The following MUC5B variants were observed in gnomAD, a reference collection of about 807,000 sequenced individuals.
MUC5B encodes the protein mucin 5B, oligomeric mucus/gel-forming.
A neutral mutation model predicts 376.9 loss-of-function variants in MUC5B; 116 were observed. The observed-to-expected ratio is 0.31, with a 90% CI of 0.26 to 0.36. The LOEUF (loss-of-function observed/expected upper bound fraction) is 0.36. Among genes scored for constraint, MUC5B ranks in the 10% least tolerant of loss-of-function variants. The probability of loss-of-function intolerance (pLI) is 1.00; values close to 1 mark genes in which losing one functional copy is unlikely to be tolerated. For synonymous variants in MUC5B, 3,517 were observed against 3,390.9 expected (o/e 1.04, Z -1.29); for missense variants, 7,165 against 7,769.9 (o/e 0.92, Z 2.93).
chr11:1,230,910 G>A, intron 12 of MUC5B, 26 bp from the exon 13 acceptor site: 2 of 1,566,902 alleles, frequency 1.3e-6, no homozygotes, highest in Non-Finnish European at 1.7e-6. Context: ...CCCCAGAGCT[G>A]ACCTCCCGCC....
intron 18 of MUC5B, 128 bp downstream of exon 18, chr11:1,233,396 C>A: frequency 9.2e-7 from 1 of 1,083,928 alleles, no homozygotes; most frequent in South Asian, 1.7e-5. Flanking sequence ...GAGAGTGGGG[C>A]AGGGTGGACC....
Position 1,232,177 on chromosome 11 carries a change from C to G in MUC5B, c.1843+17C>G. The stretch of plus-strand genomic sequence containing the variant: ...TGGAGAATGGTACTCCTCGCCCCCA[C>G]CCCCACAGTCACCCCAGGCTCAAGT... On this transcript the variant is annotated intron_variant, in intron 15 of 48. Transcript: ENST00000529681. 1 of 1,569,716 alleles carries G rather than the reference C, an allele frequency of 6.4e-7. No individual in the cohort carries two copies.
chr11:1,223,752 G>A (rs375526322), intron 1 of MUC5B, among the ~76,000 whole-genome samples: 1 of 152,246 alleles, frequency 6.6e-6, no homozygotes, highest in Admixed American at 6.5e-5. Flanking sequence ...CATGCCGCAC[G>A]GGCTGCCTGG....
chr11:1,241,661 G>A lies in MUC5B; in HGVS notation c.4781G>A (p.Arg1594Gln), dbSNP rs1236648751. ...VFKMCYNYRI[R>Q]VLCCSDDHCR... ...AAGATGTGCTACAACTACAGGATCC[G>A]GGTCCTCTGCTGCAGTGACGACCAC... The change falls in exon 31 of 49, where the codon CGG becomes CAG. Residue 1594 changes from arginine (R) to glutamine (Q), a missense_variant. Arg to Gln is a conservative substitution (Grantham distance 43). Transcript: ENST00000529681. The A allele has an allele frequency of 1.2e-5, 20 of 1,612,258 alleles. No individual in the cohort carries two copies. The highest frequency in any genetic ancestry group is 5.5e-5 in the South Asian group (5 of 91,002).
chr11:1,248,680 C>A lies in MUC5B; in HGVS notation c.11800C>A (p.Pro3934Thr). The A allele has an allele frequency of 6.3e-7, 1 of 1,591,334 alleles. No individual in the cohort carries two copies. Among genetic ancestry groups the A allele is most frequent in the Non-Finnish European group, 8.6e-7 (1 of 1,169,532 alleles). The change falls in exon 31 of 49, where the codon CCC (proline) becomes ACC (threonine). Residue 3934 changes from proline to threonine, a missense_variant. By Grantham distance (38) the Pro-to-Thr change is conservative. Transcript: ENST00000529681. ...TTVATGSMAT[P>T]SSSTQTSGTP... ...TGTGGCCACTGGTTCTATGGCAACA[C>A]CCTCCTCTAGCACACAGACCAGTGG...
At position 1,252,467 on chromosome 11, in the gene MUC5B, C is replaced by T. The variant is rs757618674; in HGVS notation, c.14988C>T (p.Ala4996=). ...CPTSPPPVSS[A]PLSSPSPAPG... is the part of the protein sequence containing the mutation. ...CCTCCCCACCGCCAGTGTCCTCCGCCCCGCTGTCCTCGCCCTCCCCTGCCC... is the reference window on the plus strand; with the variant it reads ...CCTCCCCACCGCCAGTGTCCTCCGCTCCGCTGTCCTCGCCCTCCCCTGCCC... Residue 4996 remains alanine, a synonymous_variant, in exon 32 of 49, where the codon GCC becomes GCT. Coordinates refer to ENST00000529681, the MANE Select transcript of MUC5B (RefSeq NM_002458.3). 5 of 1,603,794 alleles carry T rather than the reference C, an allele frequency of 3.1e-6. No individual in the cohort carries two copies. The South Asian group carries it at 5.6e-5, about 18-fold the overall frequency.
Position 1,234,380 on chromosome 11 carries a change from G to C in MUC5B, c.2478+75G>C. The C allele has an allele frequency of 6.6e-7, 1 of 1,509,636 alleles. No homozygotes were observed. Among genetic ancestry groups the C allele is most frequent in the Non-Finnish European group, 9.0e-7 (1 of 1,112,434 alleles). 93.5% of individuals were successfully genotyped at this position (1,509,636 alleles called of 1,614,324 possible). A position where few individuals can be genotyped will look rare whatever the true frequency, so the allele number is the denominator to read the frequency against. ...TCCCAGCTCCCGAGCCCAGGGATCT[G>C]GTGGTCCTGGAGACACTTACCCACC... On this transcript the variant is annotated intron_variant, in intron 20 of 48. Transcript: ENST00000529681. This position sits in a 1 kb window ranked among gnomAD's most constrained non-coding sequence, Gnocchi z 6.3.
In MUC5B at chr11:1,232,626, T is replaced by C. The variant is rs1318321; in HGVS notation, c.1939-18T>C. ...CAGGCTGGGGTCCCTGACGCCCCGA[T>C]GCCTCCCACCTCCGCAGAACTGCAT... On this transcript the variant is annotated intron_variant, in intron 16 of 48. Transcript: ENST00000529681. 0.51 allele frequency: 822,563 copies of C among 1,598,144 alleles called. 213,148 individuals are homozygous for C. Among genetic ancestry groups the C allele is most frequent in the East Asian group, 0.7 (30,577 of 43,878 alleles).
In MUC5B at chr11:1,242,667, C is replaced by G; in HGVS notation, c.5787C>G (p.Thr1929=). The G allele has an allele frequency of 6.2e-7, 1 of 1,613,756 alleles. No homozygotes were observed. Among genetic ancestry groups the G allele is most frequent in the Non-Finnish European group, 8.5e-7 (1 of 1,179,772 alleles). ...GATCCACGGCCACCCCGACCTCCAC[C>G]CTGAGAACAGCTCCCCCTCCCAAAG... ...STGSTATPTS[T]LRTAPPPKVL... The change falls in exon 31 of 49, where the codon ACC becomes ACG. Residue 1929 remains threonine, a synonymous_variant. Transcript: ENST00000529681.
At chr11:1,252,295 A>T in intron 31 of MUC5B, 48 bp from the exon 32 acceptor site, 6 of 1,499,418 alleles carry the variant, frequency 4.0e-6, no homozygotes, top group Non-Finnish European at 5.4e-6. Context: ...ACTCTGGCTT[A>T]CCCATCTCTG....
At position 1,241,494 on chromosome 11, in the gene MUC5B, G is replaced by A. The variant is rs771291982; in HGVS notation, c.4614G>A (p.Gly1538=). ...ESYDKIRAAG[G]HLCQQPKDIE... is the part of the protein sequence containing the mutation. ...ACGATAAGATCAGGGCCGCTGGAGG[G>A]CACTTATGCCAGCAGCCTAAGGACA... The change falls in exon 31 of 49, where the codon GGG becomes GGA. Residue 1538 remains glycine (G), a synonymous_variant. Transcript: ENST00000529681. The A allele has an allele frequency of 1.3e-5, 21 of 1,613,628 alleles. 1 individual carries two copies. In the South Asian group the frequency reaches 1.5e-4, roughly 12 times the overall value.
chr11:1,230,283 G>A (rs1037406915), intron 11 of MUC5B, 140 bp downstream of exon 11: 2 of 1,303,334 alleles, frequency 1.5e-6, no homozygotes, highest in African/African-American at 3.0e-5. Flanking sequence ...CCCCATGATG[G>A]TCATAGAGGG....
Position 1,254,337 on chromosome 11 carries a change from AAGG to A in MUC5B, c.15470_15472del (p.Glu5157del), listed in dbSNP as rs765495070. On this transcript the variant is annotated inframe_deletion, in exon 34 of 49. Coordinates refer to ENST00000529681, the MANE Select transcript of MUC5B (RefSeq NM_002458.3). ...CCTCACTGTCACCATGGTGCATGGG[AAGG>A]AGGAGGGCCTGGTGAGTCCAGGCTG... 1.9e-6 allele frequency: 3 copies of A among 1,603,094 alleles called. No homozygotes were observed. The highest frequency in any genetic ancestry group is 2.2e-5 in the South Asian group (2 of 91,068).
intron 44 of MUC5B, 78 bp downstream of exon 44, chr11:1,259,139 A>C: frequency 7.5e-7 from 1 of 1,340,570 alleles, no homozygotes; most frequent in Admixed American, 2.2e-5. Flanking sequence ...ACCTGCCCCC[A>C]GGTGAGACCT....
rs549089871 is a variant in MUC5B at position 1,256,585 on chromosome 11, C to T, written c.16137-86C>T. 1.7e-3 allele frequency: 1,456 copies of T among 857,434 alleles called. 2 individuals are homozygous for T. Among genetic ancestry groups the T allele is most frequent in the Non-Finnish European group, 2.3e-3 (1,308 of 556,890 alleles). 53.1% of individuals were successfully genotyped at this position (857,434 alleles called of 1,614,324 possible). On this transcript the variant is annotated intron_variant, in intron 38 of 48. Coordinates refer to ENST00000529681, the MANE Select transcript of MUC5B (RefSeq NM_002458.3). Reference sequence around the variant, plus strand: ...ACCCATTCATCTCCTTCCCTGCTCCCCACTGCCCATCCTGGGGACTCACGT... The same window carrying T: ...ACCCATTCATCTCCTTCCCTGCTCCTCACTGCCCATCCTGGGGACTCACGT...
At chr11:1,256,412 C>G (rs117543662) in intron 38 of MUC5B, among the ~76,000 whole-genome samples, 187 bp downstream of exon 38, 1 of 151,674 alleles carries the variant, frequency 6.6e-6, no homozygotes, top group Non-Finnish European at 1.5e-5. Context: ...AGGCAGGGGG[C>G]GCATCCCTGG....
chr11:1,245,367 C>T lies in MUC5B; in HGVS notation c.8487C>T (p.Thr2829=), dbSNP rs1356010654. ...CACCCCCTTCTCCAGGGACGACCACCCCGGGCCACACCAGGGCCACCTCCA... is the reference window on the plus strand; with the variant it reads ...CACCCCCTTCTCCAGGGACGACCACTCCGGGCCACACCAGGGCCACCTCCA... ...TESPPSPGTT[T]PGHTRATSRT... is the part of the protein sequence containing the mutation. Residue 2829 remains threonine (T), a synonymous_variant, in exon 31 of 49, where the codon ACC becomes ACT. Transcript: ENST00000529681. 3 of 1,577,892 alleles carry T rather than the reference C, an allele frequency of 1.9e-6. 1 individual carries two copies. The Admixed American group carries it at 5.4e-5, about 28-fold the overall frequency.
In MUC5B at chr11:1,242,473, A is replaced by G. The variant is rs1862312627; in HGVS notation, c.5593A>G (p.Arg1865Gly). The G allele has an allele frequency of 6.2e-7, 1 of 1,613,706 alleles. No individual in the cohort carries two copies. Among genetic ancestry groups the G allele is most frequent in the Non-Finnish European group, 8.5e-7 (1 of 1,179,828 alleles). ...LTCKNEDQTG[R>G]FNMCFNYNVR... is the part of the protein sequence containing the mutation. ...CTGCAAGAACGAAGACCAGACAGGC[A>G]GGTTCAACATGTGCTTCAACTACAA... The change falls in exon 31 of 49, where the codon AGG (arginine) becomes GGG (glycine). Residue 1865 changes from arginine (R) to glycine (G), a missense_variant. Coordinates refer to ENST00000529681, the MANE Select transcript of MUC5B (RefSeq NM_002458.3).
chr11:1,242,085 C>G lies in MUC5B; in HGVS notation c.5205C>G (p.Thr1735=). 1 of 1,610,866 alleles carries G rather than the reference C, an allele frequency of 6.2e-7. No individual in the cohort carries two copies. Among genetic ancestry groups the G allele is most frequent in the African/African-American group, 1.3e-5 (1 of 74,978 alleles). ...CTCGCCCGACAGGCACAGCCAGCAC[C>G]GCTTCCAAAGAGCCGCTGACCACGA... ...SRARPTGTAS[T]ASKEPLTTSL... is the part of the protein sequence containing the mutation. The change falls in exon 31 of 49, where the codon ACC becomes ACG. Residue 1735 remains threonine, a synonymous_variant. Transcript: ENST00000529681.
Sources: allele counts gnomAD v4.1 joint callset (sites outside exome capture counted in the v4.1 genomes callset), GRCh38; gene constraint gnomAD v4.1.1; non-coding constraint Gnocchi (gnomAD v3.1); transcripts MANE v1.5; gene names NCBI Gene and HGNC (gene_info 2026-07-23, HGNC 2026-07-21).